TPRG1: variants seen among roughly 807,000 people sequenced by gnomAD.
The protein encoded by TPRG1 is tumor protein p63 regulated 1.
A neutral mutation model predicts 29.3 loss-of-function variants in TPRG1; 29 were observed. The ratio of observed to expected loss-of-function variants is 0.99; its 90% CI spans 0.74 to 1.35. The LOEUF is 1.35. Among genes scored for constraint, TPRG1 ranks in the 40% most tolerant of loss-of-function variants. The pLI, the probability that TPRG1 is intolerant of heterozygous loss-of-function variation, is 0.00. For synonymous variants in TPRG1, 130 were observed against 116.8 expected (o/e 1.11, Z -0.73); for missense variants, 327 against 335.0 (o/e 0.98, Z 0.19).
chr3:189,297,607 GA>G (rs2109244784), intron 4 of TPRG1, among the ~76,000 whole-genome samples: 1 of 152,244 alleles, frequency 6.6e-6, no homozygotes, highest in Admixed American at 6.5e-5. Flanking sequence ...TGGATTTTAA[GA>G]AAACCCCAGG....
In TPRG1 at chr3:189,315,734, T is replaced by C. The variant is rs952980985; in HGVS notation, c.634-4892T>C. 1.5e-5 allele frequency: 4 copies of C among 271,536 alleles called. No homozygotes were observed. In the East Asian group the frequency reaches 3.1e-4, roughly 21 times the overall value. The allele number at this position is 271,536 out of a possible 1,614,324, so 16.8% of individuals were successfully genotyped here. A position where few individuals can be genotyped will look rare whatever the true frequency, so the allele number is the denominator to read the frequency against. ...TTTACAACAATTCAACAAATATTCA[T>C]TGAGTACTTACCTGGCAGTGACCAT... On this transcript the variant is annotated intron_variant, in intron 5 of 5. Coordinates refer to ENST00000345063, the MANE Select transcript of TPRG1 (RefSeq NM_198485.4).
chr3:189,168,356 A>G (rs1278894911), upstream of TPRG1, among the ~76,000 whole-genome samples: 1 of 152,248 alleles, frequency 6.6e-6, no homozygotes. Context: ...TGTCAAAAGC[A>G]GAAGGGGCTT....
intron 4 of TPRG1, among the ~76,000 whole-genome samples, chr3:189,052,928 TGGG>T (rs903354127): frequency 6.6e-6 from 1 of 151,998 alleles, no homozygotes; most frequent in Non-Finnish European, 1.5e-5. Flanking sequence ...TTTGGGGACT[TGGG>T]GGGAAGAGTG....
chr3:189,191,572 A>G (rs1367100462), intron 1 of TPRG1, among the ~76,000 whole-genome samples: 1 of 152,214 alleles, frequency 6.6e-6, no homozygotes, highest in African/African-American at 2.4e-5. Flanking sequence ...TAGCCTTAGA[A>G]TGATATTATT....
At chr3:189,250,881 C>T (rs1430141559) in intron 4 of TPRG1, among the ~76,000 whole-genome samples, 1 of 151,978 alleles carries the variant, frequency 6.6e-6, no homozygotes, top group African/African-American at 2.4e-5. Context: ...AAAGGCAGAG[C>T]TGATTGAATA....
At chr3:189,038,157 G>GA (rs1010428703) in intron 4 of TPRG1, among the ~76,000 whole-genome samples, 11 of 149,808 alleles carry the variant, frequency 7.3e-5, no homozygotes, top group Admixed American at 1.3e-4. Context: ...AACCATAAAA[G>GA]AAAAAAAAAT....
intron 4 of TPRG1, among the ~76,000 whole-genome samples, chr3:189,060,078 C>A (rs1016185073): frequency 6.6e-6 from 1 of 151,848 alleles, no homozygotes; most frequent in South Asian, 2.1e-4. Context: ...ACTAAAAATA[C>A]AAAATTAGCC....
chr3:189,268,120 TA>T (rs779270705), intron 4 of TPRG1, among the ~76,000 whole-genome samples: 15 of 152,314 alleles, frequency 9.8e-5, no homozygotes, highest in South Asian at 4.1e-4. Flanking sequence ...CTTATGGACT[TA>T]CCATCCTCAG....
intron 4 of TPRG1, among the ~76,000 whole-genome samples, chr3:189,258,933 C>T (rs1210743975): frequency 1.3e-5 from 2 of 152,212 alleles, no homozygotes; most frequent in Admixed American, 1.3e-4. Context: ...TCTTAGCTTG[C>T]TGGGCTCCAT....
intron 4 of TPRG1, among the ~76,000 whole-genome samples, chr3:189,038,359 A>G (rs1053756090): frequency 5.9e-5 from 9 of 152,026 alleles, no homozygotes; most frequent in African/African-American, 2.2e-4. Flanking sequence ...ATATTGTATG[A>G]TGTCTTCATA....
At chr3:189,007,231 G>C (rs1398480388) in intron 3 of TPRG1, among the ~76,000 whole-genome samples, 1 of 151,824 alleles carries the variant, frequency 6.6e-6, no homozygotes, top group South Asian at 2.1e-4. Context: ...CAAAAAGTGG[G>C]CGAAGGACAT....
chr3:189,132,869 G>GT (rs1723255358), intron 3 of TPRG1, among the ~76,000 whole-genome samples: 1 of 152,194 alleles, frequency 6.6e-6, no homozygotes. Flanking sequence ...ATGTAAGTTA[G>GT]TTTTTTCTGG....
intron 1 of TPRG1, among the ~76,000 whole-genome samples, chr3:189,124,590 ATATAT>A (rs1417164305): frequency 6.6e-6 from 1 of 151,890 alleles, no homozygotes; most frequent in African/African-American, 2.4e-5. Context: ...ATACGTGTAC[ATATAT>A]TAATATAGCT....
upstream of TPRG1, among the ~76,000 whole-genome samples, chr3:189,098,660 A>G (rs985794140): frequency 1.3e-5 from 2 of 152,092 alleles, no homozygotes; most frequent in African/African-American, 4.8e-5. Context: ...TGGATGAAGA[A>G]GCGCTGGTTT....
At chr3:189,179,648 G>A (rs1367442652) in intron 1 of TPRG1, among the ~76,000 whole-genome samples, 4 of 152,198 alleles carry the variant, frequency 2.6e-5, no homozygotes, top group Non-Finnish European at 4.4e-5. Flanking sequence ...GGAAGAAATT[G>A]TATTTGCAGG....
chr3:189,057,406 T>A (rs1715769335), intron 4 of TPRG1, among the ~76,000 whole-genome samples: 1 of 152,070 alleles, frequency 6.6e-6, no homozygotes, highest in African/African-American at 2.4e-5. Context: ...TTTTATTTTG[T>A]CTAGACAAAA....
intron 4 of TPRG1, among the ~76,000 whole-genome samples, chr3:189,268,667 C>T (rs1576906104): frequency 6.6e-6 from 1 of 152,302 alleles, no homozygotes; most frequent in South Asian, 2.1e-4. Flanking sequence ...CAAGAAAGCT[C>T]ATCAATGCTA....
intron 4 of TPRG1, among the ~76,000 whole-genome samples, chr3:189,273,187 A>G (rs1275055535): frequency 6.6e-6 from 1 of 152,204 alleles, no homozygotes; most frequent in Non-Finnish European, 1.5e-5. Flanking sequence ...TCAAGAATCT[A>G]TTTATTAATT....
intron 4 of TPRG1, among the ~76,000 whole-genome samples, chr3:189,299,332 T>C (rs1720464587): frequency 6.6e-6 from 1 of 152,158 alleles, no homozygotes; most frequent in Non-Finnish European, 1.5e-5. Flanking sequence ...AAGCCTTCAA[T>C]ATAGATGTGA....
Sources: allele counts gnomAD v4.1 joint callset (sites outside exome capture counted in the v4.1 genomes callset), GRCh38; gene constraint gnomAD v4.1.1; transcripts MANE v1.5; gene names NCBI Gene and HGNC (gene_info 2026-07-23, HGNC 2026-07-21).